The following KATNAL2 variants were observed in gnomAD, a reference collection of about 807,000 sequenced individuals.
The protein encoded by KATNAL2 is katanin p60 ATPase-containing subunit A-like 2.
Under a neutral mutation model 76.3 loss-of-function variants are expected in KATNAL2, and 52 were observed. That is an observed-to-expected ratio of 0.68 (90% CI 0.55 to 0.86). The LOEUF (loss-of-function observed/expected upper bound fraction) is 0.86. Among genes scored for constraint, KATNAL2 ranks in the 40% least tolerant of loss-of-function variants. The probability of loss-of-function intolerance (pLI) is 0.00; values close to 1 mark genes in which losing one functional copy is unlikely to be tolerated. For synonymous variants in KATNAL2, 243 were observed against 244.2 expected, an observed-to-expected ratio of 1.00 and a Z score of 0.05; for missense variants, 660 against 668.9, an observed-to-expected ratio of 0.99 and a Z score of 0.15.
chr18:47,079,273 A>G (rs1191571832), intron 15 of KATNAL2, among the ~76,000 whole-genome samples: 1 of 152,170 alleles, frequency 6.6e-6, no homozygotes, highest in Admixed American at 6.5e-5. Context: ...TTATATTCAG[A>G]TTTCCCAATT....
intron 15 of KATNAL2, among the ~76,000 whole-genome samples, chr18:47,082,293 A>G (rs2062563162): frequency 1.3e-5 from 2 of 152,164 alleles, no homozygotes; most frequent in Non-Finnish European, 2.9e-5. Flanking sequence ...CTGGCCCACT[A>G]TCCACTAGAT....
chr18:47,059,682 G>A (rs2061574856), intron 8 of KATNAL2, 28 bp downstream of exon 8: 2 of 1,394,684 alleles, frequency 1.4e-6, no homozygotes, highest in Non-Finnish European at 2.0e-6. Flanking sequence ...ACCTAACACT[G>A]AAAGTGGTAA....
intron 3 of KATNAL2, among the ~76,000 whole-genome samples, chr18:47,036,028 G>C (rs1299791861): frequency 6.6e-6 from 1 of 152,146 alleles, no homozygotes; most frequent in Non-Finnish European, 1.5e-5. Context: ...ACAGTAGTTC[G>C]AGCACTGTCT....
intron 14 of KATNAL2, 127 bp from the exon 15 acceptor site, chr18:47,077,224 G>A: frequency 1.5e-6 from 1 of 651,266 alleles, no homozygotes; most frequent in Non-Finnish European, 2.7e-6. Flanking sequence ...ACTCTAGTAT[G>A]AACGGCTCCA....
chr18:47,081,069 C>T (rs958159677), intron 15 of KATNAL2, among the ~76,000 whole-genome samples: 1 of 150,072 alleles, frequency 6.7e-6, no homozygotes, highest in South Asian at 2.1e-4. Context: ...CTTTCTTTCC[C>T]GCCTTCTTCC....
chr18:46,944,862 G>C (rs1210002472), intron 1 of KATNAL2, among the ~76,000 whole-genome samples: 1 of 152,238 alleles, frequency 6.6e-6, no homozygotes, highest in Non-Finnish European at 1.5e-5. Context: ...GGGAGGCGGA[G>C]GTTGCAGTGA....
chr18:46,958,440 A>T (rs2059830115), intron 3 of KATNAL2, among the ~76,000 whole-genome samples: 1 of 152,170 alleles, frequency 6.6e-6, no homozygotes, highest in Non-Finnish European at 1.5e-5. Context: ...CTAGTAAAAA[A>T]ATACACACAT....
At chr18:47,071,962 T>C (rs1322779036) in intron 13 of KATNAL2, among the ~76,000 whole-genome samples, 28 of 79,460 alleles carry the variant, frequency 3.5e-4, no homozygotes, top group South Asian at 1.0e-3. Context: ...TCTTTTTTTT[T>C]TTTTTTTTTT....
intron 3 of KATNAL2, 101 bp from the exon 4 acceptor site, chr18:47,046,356 C>T: frequency 1.3e-6 from 1 of 760,082 alleles, no homozygotes; most frequent in Non-Finnish European, 2.2e-6. Context: ...TTAAGTCATG[C>T]TGCTTGGCTT....
chr18:47,060,731 A>C (rs2576036), intron 8 of KATNAL2, among the ~76,000 whole-genome samples: 66,756 of 151,960 alleles, frequency 0.44, 14,769 homozygotes, highest in Admixed American at 0.54. Context: ...ACTGGAGCAT[A>C]TCCCTGAAAA....
chr18:46,945,787 A>G (rs1272313346), intron 1 of KATNAL2, among the ~76,000 whole-genome samples: 1 of 152,236 alleles, frequency 6.6e-6, no homozygotes, highest in Non-Finnish European at 1.5e-5. Flanking sequence ...AGTTATGATT[A>G]TTAATTAGAA....
At chr18:46,948,143 CT>C (rs1315130266) in intron 3 of KATNAL2, among the ~76,000 whole-genome samples, 3 of 152,160 alleles carry the variant, frequency 2.0e-5, no homozygotes, top group Non-Finnish European at 2.9e-5. Flanking sequence ...CAGAGTCTTG[CT>C]CTGTCGCCCA....
At chr18:47,088,118 T>C (rs2147342527) in intron 15 of KATNAL2, among the ~76,000 whole-genome samples, 1 of 152,272 alleles carries the variant, frequency 6.6e-6, no homozygotes, top group Non-Finnish European at 1.5e-5. Flanking sequence ...GGTTTTTTAT[T>C]CTGGTAGACC....
intron 8 of KATNAL2, among the ~76,000 whole-genome samples, chr18:47,060,023 G>A (rs1055326137): frequency 3.1e-4 from 47 of 150,534 alleles, no homozygotes; most frequent in African/African-American, 9.3e-4. Flanking sequence ...AAGAGACAGG[G>A]TCTTGCTCTG....
At chr18:47,031,474 A>T (rs1312901086) in intron 3 of KATNAL2, among the ~76,000 whole-genome samples, 17 of 152,164 alleles carry the variant, frequency 1.1e-4, no homozygotes, top group Non-Finnish European at 2.4e-4. Context: ...TGCAGAAAGA[A>T]AATCATTATG....
chr18:46,960,011 A>G (rs1037966207), intron 3 of KATNAL2, among the ~76,000 whole-genome samples: 3 of 152,214 alleles, frequency 2.0e-5, no homozygotes, highest in Non-Finnish European at 4.4e-5. Flanking sequence ...CCTGTAAGAA[A>G]CTGGAAAACT....
At chr18:47,076,634 T>C (rs769591053) in intron 14 of KATNAL2, 1 of 152,020 alleles carries the variant, frequency 6.6e-6, no homozygotes, top group Non-Finnish European at 1.5e-5. Context: ...GACTCCAAAA[T>C]TAAGAGTCTT....
chr18:46,960,081 T>G lies in KATNAL2; in HGVS notation c.51+13158T>G, dbSNP rs544089472. Among the ~76,000 whole-genome samples, 5 of 152,196 alleles carry G rather than the reference T, an allele frequency of 3.3e-5. No homozygotes were observed. The South Asian group carries it at 1.0e-3, about 32-fold the overall frequency. Reference sequence around the variant, plus strand: ...TGGATTATGTGATTTTTGGACAACGTAATTATGAGAGAAGGCCTTCTATTT... The same window carrying G: ...TGGATTATGTGATTTTTGGACAACGGAATTATGAGAGAAGGCCTTCTATTT... On this transcript the variant is annotated intron_variant, in intron 3 of 17. Coordinates refer to ENST00000683218, the MANE Select transcript of KATNAL2 (RefSeq NM_001387690.1).
At chr18:47,039,864 T>C (rs546471113) in intron 3 of KATNAL2, among the ~76,000 whole-genome samples, 1 of 152,334 alleles carries the variant, frequency 6.6e-6, no homozygotes, top group African/African-American at 2.4e-5. Flanking sequence ...CAAAGCACTT[T>C]CCAGGCTTTA....
Sources: allele counts gnomAD v4.1 joint callset (sites outside exome capture counted in the v4.1 genomes callset), GRCh38; gene constraint gnomAD v4.1.1; transcripts MANE v1.5; gene names NCBI Gene and HGNC (gene_info 2026-07-23, HGNC 2026-07-21).